Variants in DLG1 observed in about 807,000 individuals in gnomAD.
DLG1 encodes the protein disks large homolog 1.
DLG1 carries 42 observed loss-of-function variants against 123.4 expected under a neutral mutation model. That is an observed-to-expected ratio of 0.34 (90% CI 0.27 to 0.44). The LOEUF is 0.44. Among genes scored for constraint, DLG1 ranks in the 20% least tolerant of loss-of-function variants. DLG1 has a pLI of 1.00. For missense variants in DLG1, 942 were observed against 1,082.6 expected (o/e 0.87, Z 1.82); for synonymous variants, 317 against 356.2 (o/e 0.89, Z 1.24).
At chr3:197,175,541 C>A (rs1297415119) in intron 5 of DLG1, among the ~76,000 whole-genome samples, 1 of 152,168 alleles carries the variant, frequency 6.6e-6, no homozygotes, top group African/African-American at 2.4e-5. Context: ...ATAAAAATGG[C>A]TTGGGAAATT....
intron 4 of DLG1, among the ~76,000 whole-genome samples, chr3:197,213,310 A>T (rs1022268580): frequency 6.6e-6 from 1 of 152,222 alleles, no homozygotes; most frequent in Non-Finnish European, 1.5e-5. Context: ...AAAAGACACT[A>T]AAGAGTCTTA....
chr3:197,292,332 C>A (rs1479938711), intron 3 of DLG1, among the ~76,000 whole-genome samples: 1 of 152,142 alleles, frequency 6.6e-6, no homozygotes. Context: ...ATGAACCTTG[C>A]GGACTCTACA....
At chr3:197,281,402 C>G (rs1311169488) in intron 4 of DLG1, among the ~76,000 whole-genome samples, 1 of 152,132 alleles carries the variant, frequency 6.6e-6, no homozygotes, top group African/African-American at 2.4e-5. Context: ...ATGGCCTAAT[C>G]ACCTCCTAAA....
At chr3:197,187,202 C>G (rs1716600389) in intron 5 of DLG1, among the ~76,000 whole-genome samples, 1 of 152,092 alleles carries the variant, frequency 6.6e-6, no homozygotes, top group South Asian at 2.1e-4. Flanking sequence ...ATATGCTCAC[C>G]TTAGTATACC....
At chr3:197,055,153 T>C (rs951532429) in intron 23 of DLG1, among the ~76,000 whole-genome samples, 2 of 152,118 alleles carry the variant, frequency 1.3e-5, no homozygotes, top group Admixed American at 1.3e-4. Context: ...GGTCTCACTA[T>C]GTTGCCCAGG....
At position 197,063,521 on chromosome 3, in the gene DLG1, G is replaced by A. The variant is rs1222347787; in HGVS notation, c.2373+1755C>T. ...TTCCCATTTTCTCTTATTTTATACC[G>A]TAGATATTCTTTTGCATGTTGTGTA... On this transcript the variant is annotated intron_variant, in intron 22 of 24. Transcript: ENST00000667157. Among the ~76,000 whole-genome samples, 10 of 152,102 alleles carry A rather than the reference G, an allele frequency of 6.6e-5. No homozygotes were observed. In the East Asian group the frequency reaches 7.7e-4, roughly 12 times the overall value.
At chr3:197,217,425 G>A (rs901518960) in intron 4 of DLG1, among the ~76,000 whole-genome samples, 1 of 151,974 alleles carries the variant, frequency 6.6e-6, no homozygotes, top group Non-Finnish European at 1.5e-5. Flanking sequence ...GATTTCAAGT[G>A]AAAAAACAAA....
In DLG1 at chr3:197,220,185, T is replaced by C. The variant is rs888044412; in HGVS notation, c.319-25596A>G. Among the ~76,000 whole-genome samples, 10 of 152,238 alleles carry C rather than the reference T, an allele frequency of 6.6e-5. 1 individual carries two copies. The highest frequency in any genetic ancestry group is 3.4e-3 in the Middle Eastern group (1 of 294). On this transcript the variant is annotated intron_variant, in intron 4 of 24. Coordinates refer to ENST00000667157, the MANE Select transcript of DLG1 (RefSeq NM_001366207.1). ...GGTGCTTAATTACTGAGAGAATGAA[T>C]CAATGAATAAATTAATCAATAATTT...
intron 4 of DLG1, among the ~76,000 whole-genome samples, chr3:197,209,966 C>T (rs1730469660): frequency 6.8e-6 from 1 of 146,264 alleles, no homozygotes; most frequent in Non-Finnish European, 1.5e-5. Context: ...TCCATGACTC[C>T]AGAGAAGACA....
At chr3:197,118,471 A>T (rs1183299439) in intron 12 of DLG1, among the ~76,000 whole-genome samples, 1 of 152,222 alleles carries the variant, frequency 6.6e-6, no homozygotes, top group Admixed American at 6.5e-5. Context: ...ATGAAAGAAA[A>T]GAGACAAACA....
At chr3:197,150,360 A>G (rs915193068) in intron 5 of DLG1, among the ~76,000 whole-genome samples, 1 of 152,162 alleles carries the variant, frequency 6.6e-6, no homozygotes, top group African/African-American at 2.4e-5. Flanking sequence ...CACAGAATTA[A>G]CAGTGATTTA....
chr3:197,214,146 T>C (rs1041621600), intron 4 of DLG1, among the ~76,000 whole-genome samples: 20 of 152,198 alleles, frequency 1.3e-4, no homozygotes, highest in African/African-American at 4.8e-4. Context: ...ATTTGGTAAA[T>C]GGCCATTTGG....
intron 4 of DLG1, among the ~76,000 whole-genome samples, chr3:197,246,889 T>C (rs1159018909): frequency 6.6e-6 from 1 of 152,164 alleles, no homozygotes; most frequent in Non-Finnish European, 1.5e-5. Flanking sequence ...AGGAATGTTT[T>C]GGATGGATGT....
chr3:197,101,785 G>A (rs1763607804), intron 14 of DLG1, among the ~76,000 whole-genome samples: 1 of 151,582 alleles, frequency 6.6e-6, no homozygotes, highest in Admixed American at 6.6e-5. Flanking sequence ...CAGTTCCCAT[G>A]TTCGATTATT....
At chr3:197,131,580 C>CTTACTTT (rs1782492272) in intron 10 of DLG1, among the ~76,000 whole-genome samples, 1 of 120,704 alleles carries the variant, frequency 8.3e-6, no homozygotes, top group African/African-American at 3.2e-5. Context: ...TTATTTCTTC[C>CTTACTTT]TTTCTTTTTT....
At position 197,283,361 on chromosome 3, in the gene DLG1, C is replaced by CA. The variant is rs1020905398; in HGVS notation, c.152-517dup. On this transcript the variant is annotated intron_variant, in intron 3 of 24. Coordinates refer to ENST00000667157, the MANE Select transcript of DLG1 (RefSeq NM_001366207.1). ...TTGCCCTTCTAGCCAAAGCCAAAGCCAAAAAAAAAGAGGAAATTAAAATCA... is the reference window on the plus strand; with the variant it reads ...TTGCCCTTCTAGCCAAAGCCAAAGCCAAAAAAAAAAGAGGAAATTAAAATCA... Among the ~76,000 whole-genome samples the CA allele has an allele frequency of 1.2e-4, 18 of 147,768 alleles. No individual in the cohort carries two copies. In the South Asian group the frequency reaches 1.5e-3, roughly 12 times the overall value.
At chr3:197,298,893 A>C (rs1778665832), upstream of DLG1, 1 of 283,074 alleles carries the variant, frequency 3.5e-6, no homozygotes, top group South Asian at 1.7e-4. Context: ...TAACTGATTA[A>C]TTCCGAGTAT....
chr3:197,043,425 A>G lies in DLG1; in HGVS notation c.*1198T>C, dbSNP rs1345158670. The G allele has an allele frequency of 1.3e-5, 2 of 152,120 alleles. No individual in the cohort carries two copies. The highest frequency in any genetic ancestry group is 4.8e-5 in the African/African-American group (2 of 41,422). 9.4% of individuals were successfully genotyped at this position (152,120 alleles called of 1,614,324 possible). A position where few individuals can be genotyped will look rare whatever the true frequency, so the allele number is the denominator to read the frequency against. ...ATGCCCACACTTTTACTTATAATCT[A>G]ATTTCCCTAAATGTTTCCTCCTCAT... On this transcript the variant is annotated 3_prime_UTR_variant, in exon 25 of 25. Coordinates refer to ENST00000667157, the MANE Select transcript of DLG1 (RefSeq NM_001366207.1).
At position 197,085,580 on chromosome 3, in the gene DLG1, C is replaced by T; in HGVS notation, c.1838G>A (p.Arg613Lys). 6.2e-7 allele frequency: 1 copy of T among 1,613,682 alleles called. No homozygotes were observed. Among genetic ancestry groups the T allele is most frequent in the South Asian group, 1.1e-5 (1 of 91,056 alleles). ...TTCAAGTGGTAAGAAACAGGCATAC[C>T]TGCGTTTACTGGGAATCACTCCGAC... ...DEVGVIPSKR[R>K]VEKKERARLK... Residue 613 changes from arginine to lysine, a missense_variant and splice_region_variant, in exon 16 of 25, where the codon AGA becomes AAA. Physicochemically the swap from Arg to Lys is conservative, Grantham distance 26. Coordinates refer to ENST00000667157, the MANE Select transcript of DLG1 (RefSeq NM_001366207.1).
Sources: gnomAD v4.1 joint callset for allele counts (sites outside exome capture counted in the v4.1 genomes callset) on GRCh38, gnomAD v4.1.1 for gene constraint, MANE v1.5 for transcripts, NCBI Gene and HGNC (gene_info 2026-07-23, HGNC 2026-07-21) for gene names.